The following KYNU variants were observed in gnomAD, a reference collection of about 807,000 sequenced individuals.
KYNU encodes the protein L-kynurenine hydrolase.
A neutral mutation model predicts 59.2 loss-of-function variants in KYNU; 54 were observed. The ratio of observed to expected loss-of-function variants is 0.91; its 90% CI spans 0.73 to 1.14. The LOEUF (loss-of-function observed/expected upper bound fraction) is 1.14. Ranked by LOEUF, KYNU falls within the 50% of genes most tolerant of loss-of-function variation. The pLI, the probability that KYNU is intolerant of heterozygous loss-of-function variation, is 0.00. For missense variants in KYNU, 567 were observed against 554.4 expected, an observed-to-expected ratio of 1.02 and a Z score of -0.23; for synonymous variants, 177 against 192.0, an observed-to-expected ratio of 0.92 and a Z score of 0.65.
At chr2:142,923,453 A>T (rs1239147992) in intron 3 of KYNU, among the ~76,000 whole-genome samples, 3 of 152,204 alleles carry the variant, frequency 2.0e-5, no homozygotes, top group African/African-American at 7.2e-5. Flanking sequence ...ATAAGTAAAA[A>T]GGTTTTGTAA....
intron 10 of KYNU, among the ~76,000 whole-genome samples, chr2:143,000,346 C>T (rs1685676144): frequency 6.6e-6 from 1 of 152,144 alleles, no homozygotes; most frequent in Non-Finnish European, 1.5e-5. Flanking sequence ...ATCCAGAGTA[C>T]TCTGACTCCC....
At chr2:142,955,323 G>A (rs1210099020) in intron 5 of KYNU, among the ~76,000 whole-genome samples, 2 of 152,050 alleles carry the variant, frequency 1.3e-5, no homozygotes, top group Non-Finnish European at 2.9e-5. Flanking sequence ...CCTTAAATGA[G>A]TTAATGTGTT....
At chr2:142,916,006 C>T (rs554700089) in intron 2 of KYNU, among the ~76,000 whole-genome samples, 2 of 152,108 alleles carry the variant, frequency 1.3e-5, no homozygotes, top group Non-Finnish European at 2.9e-5. Flanking sequence ...CAAGAGATGG[C>T]CATCTGTAAG....
chr2:143,004,538 C>G (rs1481140990), intron 10 of KYNU, among the ~76,000 whole-genome samples: 1 of 152,042 alleles, frequency 6.6e-6, no homozygotes, highest in Non-Finnish European at 1.5e-5. Context: ...TGATGAAAAC[C>G]CGTCTCTACT....
rs1687234819 is a variant in KYNU, at chr2:143,049,901, A to G, written c.*7729A>G. 6.6e-6 allele frequency: 1 copy of G among 151,916 alleles called. No individual in the cohort carries two copies. Among genetic ancestry groups the G allele is most frequent in the African/African-American group, 2.4e-5 (1 of 41,398 alleles). The allele number at this position is 151,916 out of a possible 1,614,324, so 9.4% of individuals were successfully genotyped here. A position where few individuals can be genotyped will look rare whatever the true frequency, so the allele number is the denominator to read the frequency against. ...AAAACTGAGTTAAGTCTGATTTTCC[A>G]GAGTTTTTATGTTTGCTTCTGTCAG... On this transcript the variant is annotated 3_prime_UTR_variant, in exon 14 of 14. Coordinates refer to ENST00000264170, the MANE Select transcript of KYNU (RefSeq NM_003937.3).
intron 8 of KYNU, among the ~76,000 whole-genome samples, chr2:142,976,296 C>A (rs531415693): frequency 6.6e-6 from 1 of 152,138 alleles, no homozygotes; most frequent in African/African-American, 2.4e-5. Context: ...TTCTTCCCCA[C>A]CTGGGGCCCT....
intron 2 of KYNU, 54 bp from the exon 3 acceptor site, chr2:142,918,555 A>G (rs1003534152): frequency 2.0e-6 from 3 of 1,469,564 alleles, no homozygotes; most frequent in Non-Finnish European, 2.7e-6. Context: ...TAACAATACC[A>G]TACTGAAAAA....
At chr2:142,897,060 T>C (rs138366722) in intron 2 of KYNU, among the ~76,000 whole-genome samples, 12 of 152,362 alleles carry the variant, frequency 7.9e-5, no homozygotes, top group African/African-American at 2.9e-4. Context: ...TTTCCAAGTA[T>C]TTGAACATTT....
intron 4 of KYNU, among the ~76,000 whole-genome samples, chr2:142,943,067 T>C: frequency 6.6e-6 from 1 of 151,748 alleles, no homozygotes; most frequent in East Asian, 1.9e-4. Flanking sequence ...GATCACGAGT[T>C]TCAGGTTTTT....
At chr2:143,038,810 T>C (rs1686959621) in intron 12 of KYNU, among the ~76,000 whole-genome samples, 1 of 152,124 alleles carries the variant, frequency 6.6e-6, no homozygotes. Flanking sequence ...ACATGCCACG[T>C]GTACATACAG....
At chr2:142,920,424 T>C (rs1682838966) in intron 3 of KYNU, among the ~76,000 whole-genome samples, 1 of 152,238 alleles carries the variant, frequency 6.6e-6, no homozygotes, top group South Asian at 2.1e-4. Context: ...TGGATATTCA[T>C]TCAGCAAGGT....
At chr2:142,962,785 C>G (rs1197421379) in intron 8 of KYNU, among the ~76,000 whole-genome samples, 1 of 152,116 alleles carries the variant, frequency 6.6e-6, no homozygotes, top group Non-Finnish European at 1.5e-5. Context: ...ATTATTCTAA[C>G]AAATTTTTAC....
At chr2:143,006,890 A>G (rs542591787) in intron 10 of KYNU, among the ~76,000 whole-genome samples, 1 of 152,184 alleles carries the variant, frequency 6.6e-6, no homozygotes, top group South Asian at 2.1e-4. Context: ...GGACATCCAC[A>G]CCAAAAACCC....
intron 2 of KYNU, among the ~76,000 whole-genome samples, chr2:142,903,136 A>G (rs575440701): frequency 6.6e-6 from 1 of 152,038 alleles, no homozygotes; most frequent in Non-Finnish European, 1.5e-5. Context: ...TGCAGGGGCT[A>G]TTGCATGGTT....
At chr2:142,885,680 G>T (rs966026699) in intron 2 of KYNU, 144 bp downstream of exon 2, 1 of 785,540 alleles carries the variant, frequency 1.3e-6, no homozygotes, top group Non-Finnish European at 2.0e-6. Context: ...GATCCCTGGT[G>T]CTCTCAATCA....
intron 12 of KYNU, among the ~76,000 whole-genome samples, chr2:143,035,058 ATTAGAGTCACCTAGACAAAGTTT>A (rs1362979057): frequency 1.3e-5 from 2 of 152,230 alleles, no homozygotes; most frequent in Non-Finnish European, 2.9e-5. Flanking sequence ...ACCACACTGT[ATTAGAGTCACCTAGACAAAGTTT>A]TTATTTTCAG....
intron 4 of KYNU, among the ~76,000 whole-genome samples, chr2:142,945,008 A>G (rs35886408): frequency 0.024 from 3,585 of 152,360 alleles, 88 homozygotes; most frequent in African/African-American, 0.062. Context: ...AATAATGCTA[A>G]CAATCATCTG....
At position 142,885,445 on chromosome 2, in the gene KYNU, T is replaced by C. The variant is rs1183421680; in HGVS notation, c.78T>C (p.Asp26=). ...CTGAACTCAAATGCCACCCAACGGA[T>C]GAGAGGGTGGCTCTCCACCTAGATG... is the stretch of plus-strand genomic sequence containing the variant. The part of the protein sequence containing the change: ...IAAELKCHPT[D]ERVALHLDEE... Residue 26 remains aspartate (D), a synonymous_variant, in exon 2 of 14, where the codon GAT becomes GAC. Coordinates refer to ENST00000264170, the MANE Select transcript of KYNU (RefSeq NM_003937.3). 6.2e-7 allele frequency: 1 copy of C among 1,613,590 alleles called. No homozygotes were observed. Among genetic ancestry groups the C allele is most frequent in the Non-Finnish European group, 8.5e-7 (1 of 1,179,562 alleles).
At position 143,047,852 on chromosome 2, in the gene KYNU, CTTTTTT is replaced by C. The variant is rs61229238; in HGVS notation, c.*5701_*5706del. 292 of 100,338 alleles carry C rather than the reference CTTTTTT, an allele frequency of 2.9e-3. No individual in the cohort carries two copies. Among genetic ancestry groups the C allele is most frequent in the African/African-American group, 0.012 (269 of 23,370 alleles). The allele number at this position is 100,338 out of a possible 1,614,324, so 6.2% of individuals were successfully genotyped here. A position where few individuals can be genotyped will look rare whatever the true frequency, so the allele number is the denominator to read the frequency against. On this transcript the variant is annotated 3_prime_UTR_variant, in exon 14 of 14. Coordinates refer to ENST00000264170, the MANE Select transcript of KYNU (RefSeq NM_003937.3). ...GGCATAAGCTGCCACTCCTGGACCT[CTTTTTT>C]TTTTTTTTTTTTTTTTTTTTGAGGC...
Sources: gnomAD v4.1 joint callset for allele counts (sites outside exome capture counted in the v4.1 genomes callset) on GRCh38, gnomAD v4.1.1 for gene constraint, MANE v1.5 for transcripts, NCBI Gene and HGNC (gene_info 2026-07-23, HGNC 2026-07-21) for gene names.